The following PDE7B variants were observed in gnomAD, a reference collection of about 807,000 sequenced individuals.
PDE7B encodes 3',5'-cyclic-AMP phosphodiesterase 7B.
PDE7B carries 29 observed loss-of-function variants against 56.2 expected under a neutral mutation model. The observed-to-expected ratio is 0.52, with a 90% CI of 0.38 to 0.70. PDE7B has a LOEUF of 0.70. Ranked by LOEUF, PDE7B falls within the 30% of genes least tolerant of loss-of-function variation. The pLI is 0.00. For missense variants in PDE7B, 490 were observed against 565.0 expected, an observed-to-expected ratio of 0.87 and a Z score of 1.35; for synonymous variants, 197 against 196.9, an observed-to-expected ratio of 1.00 and a Z score of 0.00.
intron 1 of PDE7B, among the ~76,000 whole-genome samples, chr6:135,909,836 C>G (rs1246966507): frequency 1.3e-5 from 2 of 152,096 alleles, no homozygotes; most frequent in East Asian, 3.9e-4. Flanking sequence ...GTGCAAGGTA[C>G]AGCATTGCAA....
intron 3 of PDE7B, among the ~76,000 whole-genome samples, chr6:136,119,506 G>T (rs1009913122): frequency 4.6e-5 from 7 of 152,102 alleles, no homozygotes; most frequent in African/African-American, 1.7e-4. Flanking sequence ...TATTTAACAG[G>T]CCTAAATTGG....
intron 5 of PDE7B, among the ~76,000 whole-genome samples, chr6:136,150,488 G>C (rs1296303670): frequency 6.6e-6 from 1 of 152,126 alleles, no homozygotes; most frequent in African/African-American, 2.4e-5. Flanking sequence ...ATGTGTTTTT[G>C]GTGCCTTTGT....
At chr6:135,906,092 G>A (rs1307441263) in intron 1 of PDE7B, among the ~76,000 whole-genome samples, 1 of 152,112 alleles carries the variant, frequency 6.6e-6, no homozygotes, top group Non-Finnish European at 1.5e-5. Flanking sequence ...TGACGGTTCA[G>A]GAAGTGTGCC....
intron 11 of PDE7B, among the ~76,000 whole-genome samples, chr6:136,185,985 G>A (rs1247235454): frequency 1.3e-5 from 2 of 151,800 alleles, no homozygotes; most frequent in East Asian, 3.9e-4. Flanking sequence ...TTTCAATAAA[G>A]TTTTGTACAA....
At chr6:135,901,031 C>T (rs138705905) in intron 1 of PDE7B, among the ~76,000 whole-genome samples, 16 of 152,180 alleles carry the variant, frequency 1.1e-4, no homozygotes, top group African/African-American at 3.9e-4. Context: ...TGGACTTCCA[C>T]TTATAGAACT....
intron 3 of PDE7B, among the ~76,000 whole-genome samples, chr6:136,139,583 C>A (rs1222724579): frequency 6.6e-6 from 1 of 152,184 alleles, no homozygotes; most frequent in Non-Finnish European, 1.5e-5. Flanking sequence ...TACAGTCCCA[C>A]CAACAGTGTA....
intron 2 of PDE7B, among the ~76,000 whole-genome samples, chr6:136,084,200 GT>G (rs1777251319): frequency 6.6e-6 from 1 of 152,126 alleles, no homozygotes; most frequent in East Asian, 1.9e-4. Flanking sequence ...CTGAGATAGG[GT>G]TCCAAACCCA....
intron 2 of PDE7B, chr6:136,033,929 TGGAGA>T (rs761238186): frequency 6.6e-5 from 10 of 152,014 alleles, no homozygotes; most frequent in Non-Finnish European, 1.2e-4. Flanking sequence ...CTTGAACTGA[TGGAGA>T]GGAAAGTTCA....
At chr6:136,176,199 A>T (rs1778974697) in intron 9 of PDE7B, among the ~76,000 whole-genome samples, 1 of 152,078 alleles carries the variant, frequency 6.6e-6, no homozygotes, top group Non-Finnish European at 1.5e-5. Context: ...TATATGTGGT[A>T]AATATTACTT....
chr6:135,916,252 A>G (rs925563220), intron 1 of PDE7B, among the ~76,000 whole-genome samples: 5 of 152,056 alleles, frequency 3.3e-5, no homozygotes, highest in African/African-American at 1.2e-4. Flanking sequence ...AAGTTTAGCC[A>G]TTCTAATGGG....
intron 2 of PDE7B, among the ~76,000 whole-genome samples, chr6:136,108,452 A>C (rs1301804241): frequency 1.6e-4 from 24 of 152,166 alleles, no homozygotes; most frequent in African/African-American, 5.3e-4. Context: ...GGGAAGCATA[A>C]AAAGACTTTT....
intron 2 of PDE7B, among the ~76,000 whole-genome samples, chr6:136,022,067 A>G (rs6911611): frequency 6.6e-6 from 1 of 152,040 alleles, no homozygotes; most frequent in Non-Finnish European, 1.5e-5. Context: ...GGTCTTCCCA[A>G]GGGTTGCTTT....
intron 3 of PDE7B, among the ~76,000 whole-genome samples, chr6:136,118,940 T>C (rs1260890394): frequency 6.6e-6 from 1 of 152,138 alleles, no homozygotes; most frequent in Non-Finnish European, 1.5e-5. Flanking sequence ...TTCCTGCCAC[T>C]CTGGTGGAAG....
chr6:136,165,165 G>C (rs939465358), intron 8 of PDE7B, among the ~76,000 whole-genome samples: 3 of 152,172 alleles, frequency 2.0e-5, no homozygotes, highest in African/African-American at 4.8e-5. Flanking sequence ...TAGGATAGAA[G>C]TTTCCTGTGG....
At chr6:135,999,069 A>C (rs1289849586) in intron 2 of PDE7B, among the ~76,000 whole-genome samples, 1 of 152,170 alleles carries the variant, frequency 6.6e-6, no homozygotes, top group African/African-American at 2.4e-5. Flanking sequence ...AGGCAAAGAG[A>C]GAAGAAATGT....
chr6:136,014,195 T>C (rs1294757752), intron 2 of PDE7B, among the ~76,000 whole-genome samples: 2 of 152,368 alleles, frequency 1.3e-5, no homozygotes, highest in African/African-American at 2.4e-5. Context: ...ATGTTCATTT[T>C]AGGAAACTTG....
chr6:136,084,310 A>G (rs571074624), intron 2 of PDE7B, among the ~76,000 whole-genome samples: 306 of 152,328 alleles, frequency 2.0e-3, no homozygotes, highest in Middle Eastern at 6.8e-3. Flanking sequence ...ATCAATTGAT[A>G]CCTTGGAAAA....
At chr6:135,905,692 C>T (rs957519553) in intron 1 of PDE7B, among the ~76,000 whole-genome samples, 4 of 152,158 alleles carry the variant, frequency 2.6e-5, no homozygotes, top group Admixed American at 1.3e-4. Context: ...GAGCACAGCC[C>T]GTCTTGCCAT....
At chr6:135,918,865 T>G (rs1420458079) in intron 1 of PDE7B, among the ~76,000 whole-genome samples, 2 of 152,210 alleles carry the variant, frequency 1.3e-5, no homozygotes, top group Non-Finnish European at 2.9e-5. Flanking sequence ...AACAAAGTGT[T>G]TCCGATCAGA....
Sources: gnomAD v4.1 joint callset for allele counts (sites outside exome capture counted in the v4.1 genomes callset) on GRCh38, gnomAD v4.1.1 for gene constraint, MANE v1.5 for transcripts, NCBI Gene and HGNC (gene_info 2026-07-23, HGNC 2026-07-21) for gene names.